The following PRTG variants were observed in gnomAD, a reference collection of about 807,000 sequenced individuals.
PRTG encodes protogenin.
A neutral mutation model predicts 122.5 loss-of-function variants in PRTG; 67 were observed. That is an observed-to-expected ratio of 0.55 (90% CI 0.45 to 0.67). PRTG has a LOEUF of 0.67. Among genes scored for constraint, PRTG ranks in the 30% least tolerant of loss-of-function variants. PRTG has a pLI of 0.00. For missense variants in PRTG, 1,435 were observed against 1,415.4 expected, an observed-to-expected ratio of 1.01 and a Z score of -0.22; for synonymous variants, 554 against 501.1, an observed-to-expected ratio of 1.11 and a Z score of -1.41.
Position 55,627,088 on chromosome 15 carries a change from A to G in PRTG, c.2847T>C (p.Thr949=). 1.2e-6 allele frequency: 2 copies of G among 1,608,946 alleles called. No individual in the cohort carries two copies. The highest frequency in any genetic ancestry group is 1.7e-4 in the Middle Eastern group (1 of 6,044). ...CTATGCCAACACCTACAGCAATGCCAGTCATTGATTTTTGGTCCAGATGGT... is the reference window on the plus strand; with the variant it reads ...CTATGCCAACACCTACAGCAATGCCGGTCATTGATTTTTGGTCCAGATGGT... The part of the protein sequence containing the change: ...GYYHLDQKSM[T]GIAVGVGIAL... The change falls in exon 17 of 20, where the codon ACT becomes ACC. Residue 949 remains threonine (T), a synonymous_variant. Transcript: ENST00000389286.
chr15:55,635,074 G>GT (rs1567076962), intron 15 of PRTG, among the ~76,000 whole-genome samples: 3,435 of 135,378 alleles, frequency 0.025, 130 homozygotes, highest in African/African-American at 0.087. Context: ...GTTGGTTCTG[G>GT]GTGTGTGTGT....
In PRTG at chr15:55,638,981, C is replaced by CATTA. The variant is rs72373916; in HGVS notation, c.2325-306_2325-305insTAAT. Reference sequence around the variant, plus strand: ...TCATTCATTCATTCATTCATTCATTCATTCATTCATGATGAGGTCTTGCTG... The same window carrying CATTA: ...TCATTCATTCATTCATTCATTCATTCATTAATTCATTCATGATGAGGTCTTGCTG... On this transcript the variant is annotated intron_variant, in intron 13 of 19. Transcript: ENST00000389286. 3.4e-3 allele frequency among the ~76,000 whole-genome samples: 512 copies of CATTA among 151,358 alleles called. 1 individual carries two copies. The highest frequency in any genetic ancestry group is 5.7e-3 in the Admixed American group (87 of 15,204).
intron 2 of PRTG, among the ~76,000 whole-genome samples, chr15:55,684,181 A>AT (rs1243469361): frequency 6.6e-6 from 1 of 152,262 alleles, no homozygotes; most frequent in Non-Finnish European, 1.5e-5. Context: ...CTATTTGGAG[A>AT]TAAAAAGTTA....
intron 11 of PRTG, among the ~76,000 whole-genome samples, chr15:55,642,491 C>A (rs2059297558): frequency 1.3e-5 from 2 of 151,520 alleles, no homozygotes; most frequent in Admixed American, 6.6e-5. Context: ...ATGGCACATG[C>A]CAGTAATCCC....
intron 2 of PRTG, among the ~76,000 whole-genome samples, chr15:55,702,682 C>CTTTCA (rs1339134103): frequency 6.6e-6 from 1 of 152,132 alleles, no homozygotes; most frequent in Non-Finnish European, 1.5e-5. Context: ...ACAGGAGGAG[C>CTTTCA]CAGAAACCTA....
intron 4 of PRTG, 89 bp from the exon 5 acceptor site, chr15:55,680,717 C>T: frequency 1.1e-6 from 1 of 893,474 alleles, no homozygotes; most frequent in Non-Finnish European, 1.5e-6. Context: ...TTATCACTCA[C>T]TTTTCTTTTT....
chr15:55,635,786 T>C (rs2059254724), intron 15 of PRTG, among the ~76,000 whole-genome samples: 2 of 152,290 alleles, frequency 1.3e-5, no homozygotes, highest in East Asian at 1.9e-4. Flanking sequence ...ATCTTCTTAA[T>C]TGGGTAAATA....
chr15:55,658,133 TC>T (rs943647737), intron 11 of PRTG, among the ~76,000 whole-genome samples: 20 of 152,310 alleles, frequency 1.3e-4, no homozygotes, highest in African/African-American at 4.8e-4. Context: ...TCAGATGACA[TC>T]AGGAGCATTC....
chr15:55,742,724 C>G, intron 1 of PRTG, 114 bp downstream of exon 1: 1 of 1,320,774 alleles, frequency 7.6e-7, no homozygotes, highest in Admixed American at 2.1e-5. Flanking sequence ...TCAGCGCCAC[C>G]ACGGAGGACC....
intron 2 of PRTG, among the ~76,000 whole-genome samples, chr15:55,687,134 A>C (rs2059574799): frequency 6.6e-6 from 1 of 152,234 alleles, no homozygotes; most frequent in Admixed American, 6.5e-5. Context: ...TAGTATTTTG[A>C]ATTTTCTCCA....
At chr15:55,722,581 TAAAC>T (rs1397524486) in intron 2 of PRTG, among the ~76,000 whole-genome samples, 6 of 151,796 alleles carry the variant, frequency 4.0e-5, no homozygotes, top group Non-Finnish European at 8.8e-5. Context: ...AAGTCAGAAA[TAAAC>T]AGAGAGGTGA....
rs763485785 is a variant in PRTG, at chr15:55,611,871, G to A, written c.*8141C>T. ...CTGAGTCAAGTATAAAATTAATATA[G>A]CTCAGCTCTACAGTCCATTAGCAAG... On this transcript the variant is annotated 3_prime_UTR_variant, in exon 20 of 20. Coordinates refer to ENST00000389286, the MANE Select transcript of PRTG (RefSeq NM_173814.6). The A allele has an allele frequency of 1.3e-5, 2 of 152,020 alleles. No homozygotes were observed. Among genetic ancestry groups the A allele is most frequent in the African/African-American group, 4.8e-5 (2 of 41,416 alleles). The allele number at this position is 152,020 out of a possible 1,614,324, so 9.4% of individuals were successfully genotyped here. A position where few individuals can be genotyped will look rare whatever the true frequency, so the allele number is the denominator to read the frequency against.
In PRTG at chr15:55,612,737, T is replaced by TACATATAC. The variant is rs2059126269; in HGVS notation, c.*7274_*7275insGTATATGT. The TACATATAC allele has an allele frequency of 1.8e-5, 1 of 54,314 alleles. No individual in the cohort carries two copies. The highest frequency in any genetic ancestry group is 2.3e-4 in the Admixed American group (1 of 4,262). The allele number at this position is 54,314 out of a possible 1,614,324, so 3.4% of individuals were successfully genotyped here. A position where few individuals can be genotyped will look rare whatever the true frequency, so the allele number is the denominator to read the frequency against. On this transcript the variant is annotated 3_prime_UTR_variant, in exon 20 of 20. Transcript: ENST00000389286. ...ATATATATATATATATATATATATA[T>TACATATAC]ATATATATATATGACTTAAATTGGA... is the stretch of plus-strand genomic sequence containing the variant.
intron 11 of PRTG, among the ~76,000 whole-genome samples, chr15:55,668,600 G>T (rs2141786472): frequency 1.3e-5 from 2 of 152,284 alleles, no homozygotes; most frequent in Admixed American, 1.3e-4. Context: ...AAGATACAAA[G>T]TCTCAAACTA....
intron 11 of PRTG, among the ~76,000 whole-genome samples, chr15:55,646,907 T>C (rs2059327414): frequency 6.6e-6 from 1 of 152,160 alleles, no homozygotes; most frequent in African/African-American, 2.4e-5. Flanking sequence ...GTACTCTCCA[T>C]CTTCTCCCTG....
chr15:55,685,903 C>T (rs961043300), intron 2 of PRTG, among the ~76,000 whole-genome samples: 7 of 152,218 alleles, frequency 4.6e-5, no homozygotes, highest in African/African-American at 1.7e-4. Flanking sequence ...ACTCAAGCCC[C>T]ATATTCAACC....
intron 11 of PRTG, among the ~76,000 whole-genome samples, chr15:55,646,026 G>C (rs1450240017): frequency 6.6e-6 from 1 of 151,870 alleles, no homozygotes; most frequent in Non-Finnish European, 1.5e-5. Context: ...TTATTTTTTT[G>C]AGACAGAGTC....
intron 2 of PRTG, among the ~76,000 whole-genome samples, chr15:55,685,419 C>G (rs1443517853): frequency 1.3e-5 from 2 of 152,144 alleles, no homozygotes; most frequent in Admixed American, 1.3e-4. Context: ...AAATCTGTTT[C>G]AAACTGCTAT....
At chr15:55,620,550 C>A in intron 19 of PRTG, 113 bp downstream of exon 19, 1 of 1,402,592 alleles carries the variant, frequency 7.1e-7, no homozygotes, top group Non-Finnish European at 9.5e-7. Context: ...AAAATCACAG[C>A]CATGAAGAAC....
Sources: allele counts gnomAD v4.1 joint callset (sites outside exome capture counted in the v4.1 genomes callset), GRCh38; gene constraint gnomAD v4.1.1; transcripts MANE v1.5; gene names NCBI Gene and HGNC (gene_info 2026-07-23, HGNC 2026-07-21).